The following PTN variants were observed in gnomAD, a reference collection of about 807,000 sequenced individuals.
PTN encodes heparin affin regulatory protein.
PTN carries 18 observed loss-of-function variants against 24.1 expected under a neutral mutation model. That is an observed-to-expected ratio of 0.75 (90% confidence interval 0.52 to 1.11). The LOEUF is 1.11. PTN is among the 50% of genes least tolerant of loss of function. The pLI, the probability that PTN is intolerant of heterozygous loss-of-function variation, is 0.00. For missense variants in PTN, 163 were observed against 198.8 expected (o/e 0.82, Z 1.08); for synonymous variants, 78 against 68.6 (o/e 1.14, Z -0.67).
At chr7:137,336,190 C>T (rs566908822) in intron 1 of PTN, among the ~76,000 whole-genome samples, 5 of 152,188 alleles carry the variant, frequency 3.3e-5, no homozygotes, top group African/African-American at 1.2e-4. Context: ...TGACATTTAC[C>T]ACCAACCTAT....
At position 137,309,180 on chromosome 7, in the gene PTN, T is replaced by G. The variant is rs10234888; in HGVS notation, c.-2+34259A>C. Among the ~76,000 whole-genome samples, 1,018 of 152,324 alleles carry G rather than the reference T, an allele frequency of 6.7e-3. 11 individuals are homozygous for G. Among genetic ancestry groups the G allele is most frequent in the African/African-American group, 0.023 (977 of 41,576 alleles). Reference sequence around the variant, plus strand: ...CACCACAATAAAGCAAGTCATACAATTTTTTTGGTTCCCCAGTGCATACAA... The same window carrying G: ...CACCACAATAAAGCAAGTCATACAAGTTTTTTGGTTCCCCAGTGCATACAA... On this transcript the variant is annotated intron_variant, in intron 1 of 4. Transcript: ENST00000348225.
At chr7:137,242,645 T>C (rs1484210624) in intron 4 of PTN, among the ~76,000 whole-genome samples, 1 of 152,210 alleles carries the variant, frequency 6.6e-6, no homozygotes, top group Non-Finnish European at 1.5e-5. Flanking sequence ...ACTAGAATGT[T>C]CCAAGATGAT....
At chr7:137,324,038 G>A (rs749234988) in intron 1 of PTN, among the ~76,000 whole-genome samples, 1 of 152,022 alleles carries the variant, frequency 6.6e-6, no homozygotes, top group Non-Finnish European at 1.5e-5. Flanking sequence ...AAAAATTCAG[G>A]TGATTTAATA....
Position 137,316,051 on chromosome 7 carries a change from T to A in PTN, c.-2+27388A>T, listed in dbSNP as rs1219584965. Reference sequence around the variant, plus strand: ...CATTTCTTGTGCTAACTGGGTGATCTCCTCTTGCCTGCTGCATCTACCCTG... The same window carrying A: ...CATTTCTTGTGCTAACTGGGTGATCACCTCTTGCCTGCTGCATCTACCCTG... On this transcript the variant is annotated intron_variant, in intron 1 of 4. Transcript: ENST00000348225. Among the ~76,000 whole-genome samples the A allele has an allele frequency of 2.0e-5, 3 of 152,200 alleles. No homozygotes were observed. The East Asian group carries it at 5.8e-4, about 29-fold the overall frequency.
intron 1 of PTN, among the ~76,000 whole-genome samples, chr7:137,281,350 A>T (rs1264774737): frequency 6.6e-6 from 1 of 152,206 alleles, no homozygotes; most frequent in Non-Finnish European, 1.5e-5. Context: ...GAAATAAGAG[A>T]CCATCTCACT....
At chr7:137,332,155 TA>T (rs1198008484) in intron 1 of PTN, among the ~76,000 whole-genome samples, 3 of 152,200 alleles carry the variant, frequency 2.0e-5, no homozygotes, top group Non-Finnish European at 4.4e-5. Context: ...GTAACACTGT[TA>T]AAAAGCAGGA....
At chr7:137,252,180 C>T (rs1808839074) in intron 3 of PTN, among the ~76,000 whole-genome samples, 2 of 151,930 alleles carry the variant, frequency 1.3e-5, no homozygotes, top group South Asian at 2.1e-4. Flanking sequence ...TTTCTTGGCA[C>T]CCTCACTAGC....
chr7:137,291,709 C>A (rs1423560946), intron 1 of PTN, among the ~76,000 whole-genome samples: 1 of 152,030 alleles, frequency 6.6e-6, no homozygotes, highest in African/African-American at 2.4e-5. Flanking sequence ...CTGACGTAAG[C>A]GCTGACTCCA....
intron 1 of PTN, among the ~76,000 whole-genome samples, chr7:137,265,280 T>C (rs1417419527): frequency 6.6e-6 from 1 of 152,174 alleles, no homozygotes; most frequent in East Asian, 1.9e-4. Flanking sequence ...TTACAATGTC[T>C]TATTTTTTTT....
chr7:137,245,365 G>A (rs922026553), intron 4 of PTN, among the ~76,000 whole-genome samples: 3 of 152,144 alleles, frequency 2.0e-5, no homozygotes, highest in African/African-American at 4.8e-5. Context: ...TTCCCATTAG[G>A]GTACAGTAGA....
At chr7:137,232,685 G>A (rs1201334200) in intron 4 of PTN, among the ~76,000 whole-genome samples, 1 of 151,980 alleles carries the variant, frequency 6.6e-6, no homozygotes, top group Non-Finnish European at 1.5e-5. Flanking sequence ...AAGACAGGCA[G>A]TGATATGGTT....
chr7:137,289,367 G>C (rs573226823), intron 1 of PTN, among the ~76,000 whole-genome samples: 1 of 152,014 alleles, frequency 6.6e-6, no homozygotes, highest in African/African-American at 2.4e-5. Flanking sequence ...TTGGCTTTCA[G>C]GTGTGTGTTA....
chr7:137,297,068 T>G (rs1809730205), intron 1 of PTN, among the ~76,000 whole-genome samples: 1 of 152,076 alleles, frequency 6.6e-6, no homozygotes, highest in Non-Finnish European at 1.5e-5. Context: ...ACAGGGAAAT[T>G]CATAAAATGG....
At chr7:137,283,433 G>GA (rs763275504) in intron 1 of PTN, among the ~76,000 whole-genome samples, 9 of 151,792 alleles carry the variant, frequency 5.9e-5, no homozygotes, top group Non-Finnish European at 1.0e-4. Context: ...AAGAAGAACT[G>GA]AAAAAAAGGA....
intron 1 of PTN, among the ~76,000 whole-genome samples, chr7:137,295,108 T>A (rs1809698892): frequency 2.0e-5 from 3 of 152,032 alleles, no homozygotes. Context: ...AGACCGGAAA[T>A]GTACTATAAG....
chr7:137,328,286 C>T (rs936206066), intron 1 of PTN, among the ~76,000 whole-genome samples: 6 of 152,154 alleles, frequency 3.9e-5, no homozygotes, highest in African/African-American at 1.4e-4. Context: ...TACATCAATA[C>T]CAGTCTCAAA....
chr7:137,249,818 C>G (rs1808791532), intron 4 of PTN, among the ~76,000 whole-genome samples: 1 of 152,142 alleles, frequency 6.6e-6, no homozygotes, highest in African/African-American at 2.4e-5. Context: ...TTTCCATGAT[C>G]TGGAAAGGGC....
At chr7:137,311,481 A>G (rs184770949) in intron 1 of PTN, among the ~76,000 whole-genome samples, 2 of 152,286 alleles carry the variant, frequency 1.3e-5, no homozygotes, top group East Asian at 3.9e-4. Flanking sequence ...CTTTTGGCCT[A>G]TCTTGACTTC....
rs1211987633 is a variant in PTN, at chr7:137,314,556, G to A, written c.-2+28883C>T. 4.0e-5 allele frequency among the ~76,000 whole-genome samples: 6 copies of A among 150,540 alleles called. No individual in the cohort carries two copies. The South Asian group carries it at 1.3e-3, about 32-fold the overall frequency. On this transcript the variant is annotated intron_variant, in intron 1 of 4. Transcript: ENST00000348225. ...CCGTATACATTATGCCTATTTTTATGGTATTATCTCTCAGGTCCAAACCCA... is the reference window on the plus strand; with the variant it reads ...CCGTATACATTATGCCTATTTTTATAGTATTATCTCTCAGGTCCAAACCCA...
Sources: gnomAD v4.1 joint callset for allele counts (sites outside exome capture counted in the v4.1 genomes callset) on GRCh38, gnomAD v4.1.1 for gene constraint, MANE v1.5 for transcripts, NCBI Gene and HGNC (gene_info 2026-07-23, HGNC 2026-07-21) for gene names.